Variants in SCLT1 observed in about 807,000 individuals in gnomAD.
The protein encoded by SCLT1 is sodium channel-associated protein 1.
A neutral mutation model predicts 112.8 loss-of-function variants in SCLT1; 78 were observed. That is an observed-to-expected ratio of 0.69 (90% CI 0.58 to 0.83). SCLT1 has a LOEUF of 0.83. SCLT1 is among the 40% of genes least tolerant of loss of function. SCLT1 has a pLI of 0.00. For missense variants in SCLT1, 747 were observed against 770.4 expected, an observed-to-expected ratio of 0.97 and a Z score of 0.36; for synonymous variants, 257 against 254.7, an observed-to-expected ratio of 1.01 and a Z score of -0.09.
chr4:128,904,392 G>A (rs898314793), intron 18 of SCLT1, among the ~76,000 whole-genome samples: 5 of 152,114 alleles, frequency 3.3e-5, no homozygotes, highest in African/African-American at 1.2e-4. Context: ...TAATTTCTGT[G>A]TAAGTAAAAG....
At chr4:128,941,706 G>C (rs958494540) in intron 17 of SCLT1, among the ~76,000 whole-genome samples, 2 of 151,968 alleles carry the variant, frequency 1.3e-5, no homozygotes, top group African/African-American at 2.4e-5. Context: ...ACCATGGTTA[G>C]TGTTTTTTTG....
intron 13 of SCLT1, among the ~76,000 whole-genome samples, chr4:128,953,322 T>C (rs1042133249): frequency 6.6e-6 from 1 of 152,200 alleles, no homozygotes; most frequent in East Asian, 1.9e-4. Context: ...TCTGGCTGAA[T>C]AGAAGCTAGA....
Position 128,954,480 on chromosome 4 carries a change from A to T in SCLT1, c.1147-1640T>A, listed in dbSNP as rs535616010. 1.4e-4 allele frequency among the ~76,000 whole-genome samples: 22 copies of T among 151,924 alleles called. No individual in the cohort carries two copies. In the East Asian group the frequency reaches 4.3e-3, roughly 30 times the overall value. On this transcript the variant is annotated intron_variant, in intron 13 of 20. Coordinates refer to ENST00000281142, the MANE Select transcript of SCLT1 (RefSeq NM_144643.4). ...AGGCACCTGCCACCACATCCAGCTA[A>T]TTTTTTGTATTTTTAGTAGAGACGG...
intron 20 of SCLT1, among the ~76,000 whole-genome samples, chr4:128,886,816 C>T (rs1439521552): frequency 6.6e-6 from 1 of 152,132 alleles, no homozygotes; most frequent in Non-Finnish European, 1.5e-5. Context: ...AGAAACTAAA[C>T]TAGATGCTAA....
At chr4:129,026,121 G>A (rs1046133829) in intron 5 of SCLT1, among the ~76,000 whole-genome samples, 42 of 152,208 alleles carry the variant, frequency 2.8e-4, no homozygotes, top group African/African-American at 9.6e-4. Flanking sequence ...ACACCCCACT[G>A]TCAACATTAG....
At chr4:128,873,256 GAAAAAAAA>G (rs1296724284) in intron 5 of SCLT1, 1 of 28,694 alleles carries the variant, frequency 3.5e-5, no homozygotes, top group African/African-American at 1.2e-4. Flanking sequence ...TAAGAAAAAG[GAAAAAAAA>G]AAAAAAAAGA....
In SCLT1 at chr4:129,023,109, C is replaced by T. The variant is rs564213234; in HGVS notation, c.290+15932G>A. Among the ~76,000 whole-genome samples, 10 of 152,252 alleles carry T rather than the reference C, an allele frequency of 6.6e-5. No homozygotes were observed. In the East Asian group the frequency reaches 1.2e-3, roughly 18 times the overall value. Reference sequence around the variant, plus strand: ...ACAAGCAAATGCTGAGGTATTTTGTCACCACCACATCTGTCTTCCAAGAGC... The same window carrying T: ...ACAAGCAAATGCTGAGGTATTTTGTTACCACCACATCTGTCTTCCAAGAGC... On this transcript the variant is annotated intron_variant, in intron 5 of 20. Transcript: ENST00000281142.
chr4:128,961,262 TAAGAG>T (rs201327364), intron 11 of SCLT1, among the ~76,000 whole-genome samples: 245 of 152,274 alleles, frequency 1.6e-3, no homozygotes, highest in East Asian at 0.014. Context: ...GAATATGATG[TAAGAG>T]AAGAGTCCAA....
In SCLT1 at chr4:128,891,063, G is replaced by T. The variant is rs1390057257; in HGVS notation, c.1904C>A (p.Ala635Asp). 6.2e-7 allele frequency: 1 copy of T among 1,611,122 alleles called. No homozygotes were observed. Among genetic ancestry groups the T allele is most frequent in the East Asian group, 2.2e-5 (1 of 44,824 alleles). The change falls in exon 19 of 21, where the codon GCT (alanine) becomes GAT (aspartate). Residue 635 changes from alanine (A) to aspartate (D), a missense_variant. Ala to Asp is a moderately radical substitution (Grantham distance 126). Transcript: ENST00000281142. ...CCAGGGGAGTCATTATCTCACCTCA[G>T]CTACCTTTTCATTTGCCATTTCCAG... is the stretch of plus-strand genomic sequence containing the variant. The part of the protein sequence containing the change: ...SQLEMANEKV[A>D]ENEKLILEHQ...
Position 129,027,683 on chromosome 4 carries a change from T to A in SCLT1, c.290+11358A>T, listed in dbSNP as rs993825839. Among the ~76,000 whole-genome samples the A allele has an allele frequency of 2.6e-5, 4 of 151,958 alleles. No homozygotes were observed. The South Asian group carries it at 8.3e-4, about 32-fold the overall frequency. ...TGTTGGAAGTTCTGGCCAGGGCAAT[T>A]AGGCAGGAGAAGGAAATAAAGGGTA... is the stretch of plus-strand genomic sequence containing the variant. On this transcript the variant is annotated intron_variant, in intron 5 of 20. Coordinates refer to ENST00000281142, the MANE Select transcript of SCLT1 (RefSeq NM_144643.4).
At position 128,948,534 on chromosome 4, in the gene SCLT1, T is replaced by A. The variant is rs771772363; in HGVS notation, c.1255A>T (p.Ile419Phe). ...AEKQGQIERV[I>F]KEKKAVEEEL... ...TCTTCCACTGCTTTTTTTTCCTTAATGACTCGTTCAATTTGGCCTTGTTTT... is the reference window on the plus strand; with the variant it reads ...TCTTCCACTGCTTTTTTTTCCTTAAAGACTCGTTCAATTTGGCCTTGTTTT... Residue 419 changes from isoleucine to phenylalanine, a missense_variant, in exon 15 of 21, where the codon ATT becomes TTT. This residue lies in a region of SCLT1 where 723 missense variants were observed against 721.3 expected (regional missense o/e 1.00). Transcript: ENST00000281142. 6.2e-7 allele frequency: 1 copy of A among 1,609,226 alleles called. No individual in the cohort carries two copies.
intron 1 of SCLT1, among the ~76,000 whole-genome samples, chr4:129,089,553 CACAT>C (rs1752661105): frequency 1.3e-5 from 2 of 152,182 alleles, no homozygotes; most frequent in South Asian, 4.1e-4. Context: ...ACCATAAAGA[CACAT>C]GCACATGTAT....
chr4:128,907,749 CA>C (rs11335176), intron 18 of SCLT1, among the ~76,000 whole-genome samples: 110,385 of 151,956 alleles, frequency 0.73, 40,402 homozygotes, highest in African/African-American at 0.82. Context: ...TATTGAAAGT[CA>C]AGAGTTTCCA....
intron 5 of SCLT1, among the ~76,000 whole-genome samples, chr4:129,027,457 C>T (rs986574210): frequency 1.3e-5 from 2 of 152,144 alleles, no homozygotes; most frequent in Non-Finnish European, 2.9e-5. Context: ...GCGGAAAAGG[C>T]CTTTGACAAA....
At chr4:128,984,692 C>A (rs1741941540) in intron 9 of SCLT1, among the ~76,000 whole-genome samples, 1 of 152,040 alleles carries the variant, frequency 6.6e-6, no homozygotes, top group Non-Finnish European at 1.5e-5. Context: ...CCTACATATG[C>A]CAAAAATCTT....
chr4:128,952,801 G>A lies in SCLT1; in HGVS notation c.1186C>T (p.Arg396Ter), dbSNP rs758308700. 12 of 1,566,542 alleles carry A rather than the reference G, an allele frequency of 7.7e-6. No homozygotes were observed. Among genetic ancestry groups the A allele is most frequent in the African/African-American group, 2.7e-5 (2 of 74,044 alleles). ...TKKQCNIQIS[R>*]LTEELSALQM... is the part of the protein sequence containing the mutation. ...AGGGCTGAAAGTTCTTCTGTTAATC[G>A]AGAAATTTGTATATTACATTGTTTT... The change falls in exon 14 of 21, where the codon CGA becomes TGA. Residue 396 changes from arginine to a stop codon, truncating the protein, a stop_gained. Coordinates refer to ENST00000281142, the MANE Select transcript of SCLT1 (RefSeq NM_144643.4). LOFTEE classifies it high-confidence loss of function.
intron 2 of SCLT1, among the ~76,000 whole-genome samples, chr4:129,078,204 C>T (rs750521791): frequency 6.6e-6 from 1 of 152,188 alleles, no homozygotes; most frequent in African/African-American, 2.4e-5. Context: ...GAAGATTTGT[C>T]CCTACTAGGT....
Position 128,936,793 on chromosome 4 carries a change from C to T in SCLT1, c.1691G>A (p.Arg564Lys). 1.2e-6 allele frequency: 2 copies of T among 1,606,260 alleles called. No homozygotes were observed. Among genetic ancestry groups the T allele is most frequent in the Non-Finnish European group, 1.7e-6 (2 of 1,174,072 alleles). ...IKERGFEVQL[R>K]EMEDSNRNSI... Reference sequence around the variant, plus strand: ...ATTTCTATTACTGTCTTCCATCTCTCTCAATTGAACTTCAAATCCACGTTC... The same window carrying T: ...ATTTCTATTACTGTCTTCCATCTCTTTCAATTGAACTTCAAATCCACGTTC... The change falls in exon 18 of 21, where the codon AGA (arginine) becomes AAA (lysine). Residue 564 changes from arginine to lysine, a missense_variant. By Grantham distance (26) the Arg-to-Lys change is conservative (BLOSUM62 2). Coordinates refer to ENST00000281142, the MANE Select transcript of SCLT1 (RefSeq NM_144643.4).
chr4:128,980,035 C>A (rs1412187375), intron 9 of SCLT1, among the ~76,000 whole-genome samples: 1 of 152,120 alleles, frequency 6.6e-6, no homozygotes, highest in African/African-American at 2.4e-5. Flanking sequence ...AAATAGAAAA[C>A]TGACAGCAAA....
Sources: gnomAD v4.1 joint callset for allele counts (sites outside exome capture counted in the v4.1 genomes callset) on GRCh38, gnomAD v4.1.1 for gene constraint, gnomAD v4.1.1 regional missense constraint, MANE v1.5 for transcripts, NCBI Gene and HGNC (gene_info 2026-07-23, HGNC 2026-07-21) for gene names.